Variants in KIAA1958 observed in about 807,000 individuals in gnomAD.
KIAA1958 encodes uncharacterized protein KIAA1958.
Under a neutral mutation model 47.2 loss-of-function variants are expected in KIAA1958, and 14 were observed. The observed-to-expected ratio is 0.30, with a 90% confidence interval of 0.20 to 0.46. The LOEUF (loss-of-function observed/expected upper bound fraction) is 0.46. Among genes scored for constraint, KIAA1958 ranks in the 20% least tolerant of loss-of-function variants. KIAA1958 has a pLI of 1.00. For synonymous variants in KIAA1958, 354 were observed against 353.3 expected (o/e 1.00, Z -0.02); for missense variants, 803 against 909.2 (o/e 0.88, Z 1.50).
At chr9:112,552,776 T>C (rs937359846) in intron 1 of KIAA1958, among the ~76,000 whole-genome samples, 3 of 152,130 alleles carry the variant, frequency 2.0e-5, no homozygotes, top group African/African-American at 7.2e-5. Flanking sequence ...GGAGGAGATA[T>C]CCATTCATGA....
Position 112,574,336 on chromosome 9 carries a change from A to G in KIAA1958, c.256A>G (p.Ser86Gly). Residue 86 changes from serine (S) to glycine (G), a missense_variant, in exon 2 of 4, where the codon AGT (serine) becomes GGT (glycine). This residue lies in a region of KIAA1958 where 761 missense variants were observed against 829.3 expected (regional missense o/e 0.92). Coordinates refer to ENST00000337530, the MANE Select transcript of KIAA1958 (RefSeq NM_133465.4). ...CAGAAGTTTTAACTCTGATAGTCCC[A>G]GTATAATCGGGGTGCCCTCTGAGAC... ...DNRSFNSDSP[S>G]IIGVPSETQT... 1 of 1,614,210 alleles carries G rather than the reference A, an allele frequency of 6.2e-7. No homozygotes were observed. The highest frequency in any genetic ancestry group is 8.5e-7 in the Non-Finnish European group (1 of 1,180,018).
intron 1 of KIAA1958, 189 bp downstream of exon 1, chr9:112,487,307 A>G (rs1322866731): frequency 6.6e-6 from 1 of 150,794 alleles, no homozygotes. Context: ...GAGGGCAGGG[A>G]CCCGGGCGGC....
chr9:112,522,598 T>C (rs563139810), intron 1 of KIAA1958, among the ~76,000 whole-genome samples: 1 of 152,334 alleles, frequency 6.6e-6, no homozygotes, highest in African/African-American at 2.4e-5. Context: ...TGGCTTGATA[T>C]ATGTGATCAT....
intron 2 of KIAA1958, among the ~76,000 whole-genome samples, chr9:112,575,833 A>G (rs532581150): frequency 2.0e-5 from 3 of 152,336 alleles, no homozygotes; most frequent in Admixed American, 6.5e-5. Flanking sequence ...TCTGTGAGCC[A>G]ATGGGAATGG....
chr9:112,560,070 A>ATT, intron 1 of KIAA1958, among the ~76,000 whole-genome samples: 1 of 145,690 alleles, frequency 6.9e-6, no homozygotes, highest in East Asian at 2.0e-4. Context: ...AGCTGCACTG[A>ATT]TTTTTTTTTT....
chr9:112,644,934 G>C (rs1319812192), intron 2 of KIAA1958, among the ~76,000 whole-genome samples: 1 of 152,132 alleles, frequency 6.6e-6, no homozygotes. Flanking sequence ...TCAGCAGCTT[G>C]AGACCAGCCT....
chr9:112,607,899 G>A (rs568506567), intron 2 of KIAA1958, among the ~76,000 whole-genome samples: 5 of 152,312 alleles, frequency 3.3e-5, no homozygotes, highest in Non-Finnish European at 5.9e-5. Context: ...ATGAGTATGA[G>A]TGGAGAATTT....
Position 112,568,068 on chromosome 9 carries a change from A to G in KIAA1958, c.-24-5989A>G, listed in dbSNP as rs184452228. ...TTTTTATTTTTATTTGAGAAACATA[A>G]AAACACAGCAGAACACTTCATAGGT... On this transcript the variant is annotated intron_variant, in intron 1 of 3. Coordinates refer to ENST00000337530, the MANE Select transcript of KIAA1958 (RefSeq NM_133465.4). Among the ~76,000 whole-genome samples the G allele has an allele frequency of 1.2e-4, 19 of 152,298 alleles. No individual in the cohort carries two copies. The East Asian group carries it at 2.3e-3, about 19-fold the overall frequency.
At chr9:112,501,277 A>C (rs1025019567) in intron 1 of KIAA1958, among the ~76,000 whole-genome samples, 1 of 147,314 alleles carries the variant, frequency 6.8e-6, no homozygotes, top group African/African-American at 2.6e-5. Context: ...TTGTCTTTAC[A>C]AAAAAAAAAG....
At chr9:112,535,440 A>C (rs1038936110) in intron 1 of KIAA1958, among the ~76,000 whole-genome samples, 3 of 152,188 alleles carry the variant, frequency 2.0e-5, no homozygotes, top group African/African-American at 7.2e-5. Context: ...GCTTATTAGC[A>C]GTCCATTGTA....
At chr9:112,657,040 T>C (rs1352727217) in intron 3 of KIAA1958, among the ~76,000 whole-genome samples, 1 of 152,140 alleles carries the variant, frequency 6.6e-6, no homozygotes, top group Non-Finnish European at 1.5e-5. Context: ...GATTACATTT[T>C]TATCTATCCC....
intron 2 of KIAA1958, among the ~76,000 whole-genome samples, chr9:112,587,025 G>A (rs938501427): frequency 6.6e-6 from 1 of 152,184 alleles, no homozygotes; most frequent in Non-Finnish European, 1.5e-5. Flanking sequence ...GCAGGAGTGA[G>A]CAGAATGCAG....
intron 2 of KIAA1958, among the ~76,000 whole-genome samples, chr9:112,640,159 T>A (rs1836869037): frequency 6.6e-6 from 1 of 152,242 alleles, no homozygotes; most frequent in African/African-American, 2.4e-5. Context: ...GATGTTATCT[T>A]CCTCAAGAAA....
intron 2 of KIAA1958, among the ~76,000 whole-genome samples, chr9:112,636,438 T>C (rs1836805699): frequency 6.6e-6 from 1 of 152,110 alleles, no homozygotes; most frequent in Non-Finnish European, 1.5e-5. Context: ...TCTATACTGT[T>C]GTTTTGCTCC....
At chr9:112,624,787 A>G (rs929798308) in intron 2 of KIAA1958, among the ~76,000 whole-genome samples, 1 of 152,170 alleles carries the variant, frequency 6.6e-6, no homozygotes, top group African/African-American at 2.4e-5. Context: ...TCCCAGTTTG[A>G]TTAGAATATT....
chr9:112,610,092 G>A (rs1564189726), intron 2 of KIAA1958, among the ~76,000 whole-genome samples: 1 of 151,968 alleles, frequency 6.6e-6, no homozygotes, highest in South Asian at 2.1e-4. Flanking sequence ...CTACCTCCTG[G>A]AAATGTTATA....
intron 2 of KIAA1958, among the ~76,000 whole-genome samples, chr9:112,615,415 G>A (rs1333351807): frequency 1.9e-5 from 2 of 102,724 alleles, no homozygotes; most frequent in Non-Finnish European, 2.2e-5. Flanking sequence ...GCAAGGCTCC[G>A]TCTCAAAAAA....
intron 1 of KIAA1958, among the ~76,000 whole-genome samples, chr9:112,563,353 C>T (rs1184506272): frequency 1.3e-5 from 2 of 152,112 alleles, no homozygotes; most frequent in African/African-American, 4.8e-5. Flanking sequence ...CTCTTCCAAT[C>T]CACTAATACG....
chr9:112,644,173 A>G (rs933317926), intron 2 of KIAA1958, among the ~76,000 whole-genome samples: 2 of 139,368 alleles, frequency 1.4e-5, no homozygotes, highest in East Asian at 4.0e-4. Flanking sequence ...GCGAGACTCC[A>G]TCTCAAAAAC....
Sources: allele counts gnomAD v4.1 joint callset (sites outside exome capture counted in the v4.1 genomes callset), GRCh38; gene constraint gnomAD v4.1.1; regional missense constraint gnomAD v4.1.1; transcripts MANE v1.5; gene names NCBI Gene and HGNC (gene_info 2026-07-23, HGNC 2026-07-21).